Variants in ADAMTSL1 observed in about 807,000 individuals in gnomAD.
The protein encoded by ADAMTSL1 is ADAMTS like 1.
ADAMTSL1 carries 126 observed loss-of-function variants against 201.8 expected under a neutral mutation model. The ratio of observed to expected loss-of-function variants is 0.62; its 90% confidence interval spans 0.54 to 0.72. The LOEUF (loss-of-function observed/expected upper bound fraction) is 0.72, where lower values mean the gene tolerates loss of function less well. Among genes scored for constraint, ADAMTSL1 ranks in the 30% least tolerant of loss-of-function variants. The pLI is 0.00. For missense variants in ADAMTSL1, 2,679 were observed against 2,277.8 expected, an observed-to-expected ratio of 1.18 and a Z score of -3.59; for synonymous variants, 1,121 against 903.4, an observed-to-expected ratio of 1.24 and a Z score of -4.32.
intron 1 of ADAMTSL1, among the ~76,000 whole-genome samples, chr9:17,985,490 G>C (rs1422710703): frequency 6.6e-6 from 1 of 152,000 alleles, no homozygotes; most frequent in East Asian, 1.9e-4. Flanking sequence ...ATAGTTCTGA[G>C]TACTACAAAA....
chr9:18,184,577 C>A (rs1267540631), intron 2 of ADAMTSL1, among the ~76,000 whole-genome samples: 1 of 152,212 alleles, frequency 6.6e-6, no homozygotes, highest in Non-Finnish European at 1.5e-5. Flanking sequence ...TTCACCATAG[C>A]CAAGTGCCTT....
intron 1 of ADAMTSL1, among the ~76,000 whole-genome samples, chr9:17,998,403 A>G (rs920065516): frequency 4.6e-5 from 7 of 152,132 alleles, no homozygotes; most frequent in African/African-American, 1.7e-4. Context: ...AAGGCTGAAG[A>G]CAGGTGAGAA....
intron 15 of ADAMTSL1, among the ~76,000 whole-genome samples, chr9:18,750,906 TC>T (rs1204099017): frequency 6.6e-6 from 1 of 152,222 alleles, no homozygotes; most frequent in Non-Finnish European, 1.5e-5. Context: ...ACACGAACTT[TC>T]CTTAAGACTC....
intron 2 of ADAMTSL1, among the ~76,000 whole-genome samples, chr9:18,211,836 T>G (rs1188812570): frequency 6.6e-6 from 1 of 152,214 alleles, no homozygotes; most frequent in Non-Finnish European, 1.5e-5. Flanking sequence ...AACTTACACA[T>G]TCCCAAAGCA....
At chr9:18,025,995 T>C (rs1035663826) in intron 1 of ADAMTSL1, among the ~76,000 whole-genome samples, 2 of 152,000 alleles carry the variant, frequency 1.3e-5, no homozygotes. Flanking sequence ...TTCCTAGGTA[T>C]TTTTTTGTGG....
At chr9:18,326,275 G>T (rs1020125033) in intron 2 of ADAMTSL1, among the ~76,000 whole-genome samples, 1 of 152,204 alleles carries the variant, frequency 6.6e-6, no homozygotes, top group East Asian at 1.9e-4. Context: ...TACCTCTAAG[G>T]AGGAGGGCTT....
intron 2 of ADAMTSL1, among the ~76,000 whole-genome samples, chr9:18,228,281 T>C (rs1830504642): frequency 6.6e-6 from 1 of 152,128 alleles, no homozygotes; most frequent in African/African-American, 2.4e-5. Context: ...AAGTCAGTTA[T>C]GGGCACTTGG....
intron 17 of ADAMTSL1, 83 bp downstream of exon 17, chr9:18,770,864 A>AAGAG: frequency 7.4e-7 from 1 of 1,359,492 alleles, no homozygotes; most frequent in Non-Finnish European, 1.0e-6. Flanking sequence ...AAAAGGCAAG[A>AAGAG]AGAGAACAAA....
At chr9:18,120,086 G>A (rs565513800) in intron 1 of ADAMTSL1, among the ~76,000 whole-genome samples, 3 of 152,288 alleles carry the variant, frequency 2.0e-5, no homozygotes, top group Non-Finnish European at 2.9e-5. Flanking sequence ...AGCTTAGTTG[G>A]ATGGTTCTGG....
At chr9:18,491,550 C>T (rs934814167) in intron 1 of ADAMTSL1, among the ~76,000 whole-genome samples, 1 of 152,108 alleles carries the variant, frequency 6.6e-6, no homozygotes, top group Non-Finnish European at 1.5e-5. Context: ...ACAAAAATCA[C>T]AAAAAATCAT....
chr9:17,995,292 G>A (rs775290365), intron 1 of ADAMTSL1, among the ~76,000 whole-genome samples: 9 of 152,094 alleles, frequency 5.9e-5, no homozygotes, highest in Admixed American at 2.6e-4. Context: ...CAATCAAGGC[G>A]TGGGGAATCA....
chr9:18,685,754 T>A lies in ADAMTSL1; in HGVS notation c.1574+954T>A, dbSNP rs1830789092. 5.3e-5 allele frequency among the ~76,000 whole-genome samples: 8 copies of A among 152,306 alleles called. No individual in the cohort carries two copies. The South Asian group carries it at 1.7e-3, about 32-fold the overall frequency. On this transcript the variant is annotated intron_variant, in intron 13 of 28. Coordinates refer to ENST00000380548, the MANE Select transcript of ADAMTSL1 (RefSeq NM_001040272.6). ...TTTTCTCAGATTCATTCTGTTTGAA[T>A]CTAAATCTGATGTGGTTTGCCAGAA...
chr9:18,509,235 A>ACCACT (rs1817874932), intron 2 of ADAMTSL1, among the ~76,000 whole-genome samples: 1 of 131,290 alleles, frequency 7.6e-6, no homozygotes, highest in African/African-American at 2.7e-5. Flanking sequence ...AAAAAAAAGA[A>ACCACT]ATAGATATGT....
At chr9:18,167,368 G>C (rs1267589920) in intron 2 of ADAMTSL1, among the ~76,000 whole-genome samples, 3 of 151,950 alleles carry the variant, frequency 2.0e-5, no homozygotes, top group South Asian at 4.1e-4. Flanking sequence ...ACCAATTGAG[G>C]GGTTGAGTGT....
At chr9:18,449,147 G>A (rs1424220670) in intron 2 of ADAMTSL1, among the ~76,000 whole-genome samples, 1 of 151,704 alleles carries the variant, frequency 6.6e-6, no homozygotes, top group African/African-American at 2.4e-5. Flanking sequence ...TGAGTTGGGG[G>A]GATTTAGGGA....
chr9:18,032,985 G>A (rs536812681), intron 1 of ADAMTSL1, among the ~76,000 whole-genome samples: 2 of 152,174 alleles, frequency 1.3e-5, no homozygotes, highest in African/African-American at 2.4e-5. Flanking sequence ...TGTTCGAAAT[G>A]TAATCGTTTA....
chr9:18,509,382 G>A lies in ADAMTSL1; in HGVS notation c.191+4426G>A, dbSNP rs76208094. ...TAGTTTACTCCCCTTACTTCCTTACGCTAATGGTAACTCTAATTGGTGTAG... is the reference window on the plus strand; with the variant it reads ...TAGTTTACTCCCCTTACTTCCTTACACTAATGGTAACTCTAATTGGTGTAG... On this transcript the variant is annotated intron_variant, in intron 2 of 28. Transcript: ENST00000380548. Among the ~76,000 whole-genome samples, 1,411 of 152,010 alleles carry A rather than the reference G, an allele frequency of 9.3e-3. 21 individuals are homozygous for A. The highest frequency in any genetic ancestry group is 0.031 in the African/African-American group (1,298 of 41,448).
intron 15 of ADAMTSL1, among the ~76,000 whole-genome samples, chr9:18,745,426 T>C (rs921625861): frequency 6.6e-6 from 1 of 152,212 alleles, no homozygotes; most frequent in Non-Finnish European, 1.5e-5. Flanking sequence ...TTTTGACATA[T>C]ACCCCATCAT....
intron 9 of ADAMTSL1, among the ~76,000 whole-genome samples, chr9:18,662,735 G>A (rs777962534): frequency 1.3e-5 from 2 of 152,190 alleles, no homozygotes; most frequent in Non-Finnish European, 2.9e-5. Flanking sequence ...TATCTGCAGG[G>A]TCAAGAATCT....
Sources: allele counts gnomAD v4.1 joint callset (sites outside exome capture counted in the v4.1 genomes callset), GRCh38; gene constraint gnomAD v4.1.1; transcripts MANE v1.5; gene names NCBI Gene and HGNC (gene_info 2026-07-23, HGNC 2026-07-21).